The following ADGRL3 variants were observed in gnomAD, a reference collection of about 807,000 sequenced individuals.
The protein encoded by ADGRL3 is adhesion G protein-coupled receptor L3, also known as calcium-independent alpha-latrotoxin receptor 3.
ADGRL3 carries 62 observed loss-of-function variants against 153.5 expected under a neutral mutation model. That is an observed-to-expected ratio of 0.40 (90% CI 0.33 to 0.50). The LOEUF is 0.50. Among genes scored for constraint, ADGRL3 ranks in the 20% least tolerant of loss-of-function variants. The probability of loss-of-function intolerance (pLI) is 0.47; values close to 1 mark genes in which losing one functional copy is unlikely to be tolerated. For synonymous variants in ADGRL3, 710 were observed against 672.5 expected, an observed-to-expected ratio of 1.06 and a Z score of -0.86; for missense variants, 1,641 against 1,859.4, an observed-to-expected ratio of 0.88 and a Z score of 2.16.
chr4:61,966,862 A>C (rs2099008805), intron 17 of ADGRL3, among the ~76,000 whole-genome samples: 3 of 152,130 alleles, frequency 2.0e-5, no homozygotes, highest in Admixed American at 1.3e-4. Flanking sequence ...CATCAGTCAA[A>C]CTACTGTAAA....
At chr4:61,463,303 C>T (rs2097845151) in intron 2 of ADGRL3, among the ~76,000 whole-genome samples, 1 of 152,130 alleles carries the variant, frequency 6.6e-6, no homozygotes, top group East Asian at 1.9e-4. Context: ...ACTCACAGTT[C>T]CACAGGCTGT....
At chr4:61,645,089 A>C (rs2150264706) in intron 5 of ADGRL3, among the ~76,000 whole-genome samples, 1 of 149,482 alleles carries the variant, frequency 6.7e-6, no homozygotes, top group South Asian at 2.2e-4. Context: ...CTGTTTTATC[A>C]GAGACTAGGA....
At chr4:61,521,043 T>A (rs1023296043) in intron 4 of ADGRL3, among the ~76,000 whole-genome samples, 1 of 152,122 alleles carries the variant, frequency 6.6e-6, no homozygotes, top group African/African-American at 2.4e-5. Flanking sequence ...TAATTACTCA[T>A]GTCACTAGTC....
intron 8 of ADGRL3, among the ~76,000 whole-genome samples, chr4:61,744,113 G>C (rs1403122847): frequency 2.0e-5 from 3 of 152,142 alleles, no homozygotes; most frequent in African/African-American, 7.2e-5. Context: ...CTGATTGCTA[G>C]CACAACAGTC....
At chr4:61,371,384 A>G (rs1024201855) in intron 1 of ADGRL3, among the ~76,000 whole-genome samples, 2 of 151,544 alleles carry the variant, frequency 1.3e-5, no homozygotes, top group Non-Finnish European at 2.9e-5. Context: ...GTTCCTTTCC[A>G]TGTGTAGCGC....
At chr4:61,836,284 T>G (rs35946366) in intron 9 of ADGRL3, among the ~76,000 whole-genome samples, 50,070 of 151,996 alleles carry the variant, frequency 0.33, 10,371 homozygotes, top group East Asian at 0.61. Context: ...CATTCTATAA[T>G]TAGGTTTCTC....
intron 25 of ADGRL3, among the ~76,000 whole-genome samples, chr4:62,049,659 T>C (rs1050374000): frequency 2.0e-5 from 3 of 152,186 alleles, no homozygotes; most frequent in African/African-American, 7.2e-5. Context: ...GTGGCATTAC[T>C]ACCTACTGAA....
intron 9 of ADGRL3, among the ~76,000 whole-genome samples, chr4:61,869,971 AG>A (rs2098432054): frequency 4.0e-5 from 4 of 98,958 alleles, no homozygotes; most frequent in African/African-American, 6.7e-5. Flanking sequence ...AGAGAGAGAG[AG>A]AGAAAGAGAG....
chr4:62,023,161 G>A (rs1258834033), intron 21 of ADGRL3, among the ~76,000 whole-genome samples: 2 of 152,142 alleles, frequency 1.3e-5, no homozygotes, highest in Non-Finnish European at 2.9e-5. Context: ...TCCAACCCTT[G>A]TGGGTGAATG....
chr4:61,598,025 T>C (rs1397188346), intron 5 of ADGRL3, among the ~76,000 whole-genome samples: 3 of 152,106 alleles, frequency 2.0e-5, no homozygotes, highest in Non-Finnish European at 4.4e-5. Context: ...TTTTTCACCT[T>C]TCTAGGTAAT....
intron 9 of ADGRL3, among the ~76,000 whole-genome samples, chr4:61,836,063 G>A (rs905331448): frequency 6.6e-6 from 1 of 152,106 alleles, no homozygotes; most frequent in African/African-American, 2.4e-5. Context: ...AAGACAGCGA[G>A]ATTTTATCCA....
intron 1 of ADGRL3, among the ~76,000 whole-genome samples, chr4:61,335,979 A>G (rs1047441092): frequency 6.6e-6 from 1 of 152,204 alleles, no homozygotes; most frequent in South Asian, 2.1e-4. Flanking sequence ...AATTCATTTC[A>G]TGGATAATTC....
chr4:61,571,316 T>TAATAAAATAAAATAA (rs10605564), intron 4 of ADGRL3, among the ~76,000 whole-genome samples: 2 of 140,212 alleles, frequency 1.4e-5, no homozygotes, highest in African/African-American at 5.3e-5. Flanking sequence ...CTCAACAAAA[T>TAATAAAATAAAATAA]AATAAAATAA....
At chr4:61,796,424 T>C (rs956120087) in intron 8 of ADGRL3, among the ~76,000 whole-genome samples, 4 of 152,132 alleles carry the variant, frequency 2.6e-5, no homozygotes, top group African/African-American at 9.7e-5. Context: ...TCAGAAAAGC[T>C]GGGTCTCTCT....
At chr4:61,701,933 G>A (rs112929494) in intron 6 of ADGRL3, among the ~76,000 whole-genome samples, 4,111 of 152,158 alleles carry the variant, frequency 0.027, 188 homozygotes, top group African/African-American at 0.094. Context: ...TAAGAGCACA[G>A]TTTAAGTCTG....
chr4:61,316,199 C>G (rs1170925266), intron 1 of ADGRL3, among the ~76,000 whole-genome samples: 1 of 152,014 alleles, frequency 6.6e-6, no homozygotes, highest in Non-Finnish European at 1.5e-5. Context: ...GAATAAGGCC[C>G]AAATGATATG....
chr4:61,966,285 C>T (rs2099006375), intron 17 of ADGRL3, among the ~76,000 whole-genome samples: 1 of 152,018 alleles, frequency 6.6e-6, no homozygotes, highest in Admixed American at 6.6e-5. Context: ...ATATTTCTTG[C>T]CTCATGCAGT....
intron 5 of ADGRL3, among the ~76,000 whole-genome samples, chr4:61,654,269 T>A (rs2094370367): frequency 6.7e-6 from 1 of 149,076 alleles, no homozygotes; most frequent in African/African-American, 2.6e-5. Context: ...TGAATGTGAC[T>A]TTTTTATTTA....
intron 1 of ADGRL3, among the ~76,000 whole-genome samples, chr4:61,335,422 A>G (rs1043036835): frequency 6.6e-6 from 1 of 152,164 alleles, no homozygotes; most frequent in African/African-American, 2.4e-5. Flanking sequence ...TTTCTCATTC[A>G]TTTGCTAGCA....
Sources: gnomAD v4.1 joint callset for allele counts (sites outside exome capture counted in the v4.1 genomes callset) on GRCh38, gnomAD v4.1.1 for gene constraint, MANE v1.5 for transcripts, NCBI Gene and HGNC (gene_info 2026-07-23, HGNC 2026-07-21) for gene names.